The following ARHGAP28 variants were observed in gnomAD, a reference collection of about 807,000 sequenced individuals.
ARHGAP28 encodes Rho GTPase activating protein 28, also known as rho GTPase-activating protein 28.
Under a neutral mutation model 90.7 loss-of-function variants are expected in ARHGAP28, and 56 were observed. That is an observed-to-expected ratio of 0.62 (90% CI 0.50 to 0.77). The LOEUF (loss-of-function observed/expected upper bound fraction) is 0.77. Among genes scored for constraint, ARHGAP28 ranks in the 30% least tolerant of loss-of-function variants. The pLI is 0.00. For synonymous variants in ARHGAP28, 308 were observed against 323.3 expected, an observed-to-expected ratio of 0.95 and a Z score of 0.51; for missense variants, 869 against 900.9, an observed-to-expected ratio of 0.96 and a Z score of 0.45.
chr18:6,834,095 T>C (rs1018658955), intron 2 of ARHGAP28, among the ~76,000 whole-genome samples: 1 of 152,006 alleles, frequency 6.6e-6, no homozygotes, highest in African/African-American at 2.4e-5. Context: ...TGAACTCCCT[T>C]TAGAGCAGGA....
At chr18:6,813,173 T>G (rs778716050) in intron 1 of ARHGAP28, among the ~76,000 whole-genome samples, 60 of 152,206 alleles carry the variant, frequency 3.9e-4, no homozygotes, top group Non-Finnish European at 7.1e-4. Flanking sequence ...AGTCTTAGCT[T>G]CTTCTTTCTT....
intron 1 of ARHGAP28, among the ~76,000 whole-genome samples, chr18:6,801,882 A>G (rs772946046): frequency 1.3e-5 from 2 of 152,158 alleles, no homozygotes; most frequent in Non-Finnish European, 2.9e-5. Flanking sequence ...ATCTAACTGT[A>G]AATTTGTACC....
chr18:6,854,553 T>A (rs2056937010), intron 4 of ARHGAP28, among the ~76,000 whole-genome samples: 1 of 152,212 alleles, frequency 6.6e-6, no homozygotes, highest in African/African-American at 2.4e-5. Flanking sequence ...ATGCTTTGCT[T>A]CAATTGAATA....
intron 3 of ARHGAP28, among the ~76,000 whole-genome samples, chr18:6,841,430 T>C (rs2056826669): frequency 6.6e-6 from 1 of 151,840 alleles, no homozygotes; most frequent in Non-Finnish European, 1.5e-5. Context: ...TTTGACCCAA[T>C]ATACTTATCT....
At chr18:6,767,379 T>C (rs2143379874) in intron 1 of ARHGAP28, among the ~76,000 whole-genome samples, 1 of 152,326 alleles carries the variant, frequency 6.6e-6, no homozygotes, top group South Asian at 2.1e-4. Context: ...ATAGTTTCTT[T>C]TATATGTAGC....
chr18:6,811,988 G>T (rs1409340962), intron 1 of ARHGAP28, among the ~76,000 whole-genome samples: 2 of 152,168 alleles, frequency 1.3e-5, no homozygotes, highest in South Asian at 4.1e-4. Context: ...GGGAAACTGT[G>T]AGTCACTGAG....
intron 4 of ARHGAP28, among the ~76,000 whole-genome samples, chr18:6,855,858 G>A (rs893040463): frequency 2.0e-5 from 3 of 152,228 alleles, no homozygotes; most frequent in Admixed American, 6.5e-5. Context: ...CAGAGCCAGT[G>A]CCTGTACTGG....
At position 6,866,141 on chromosome 18, in the gene ARHGAP28, G is replaced by A. The variant is rs1286827235; in HGVS notation, c.727-2009G>A. On this transcript the variant is annotated intron_variant, in intron 5 of 17. Transcript: ENST00000383472. ...CAGGTAACGTTTATTGGCTGCCACTGTTCCTTCATCTCCACCATGAATCAT... is the reference window on the plus strand; with the variant it reads ...CAGGTAACGTTTATTGGCTGCCACTATTCCTTCATCTCCACCATGAATCAT... Among the ~76,000 whole-genome samples the A allele has an allele frequency of 6.6e-5, 10 of 152,274 alleles. No individual in the cohort carries two copies. The East Asian group carries it at 1.7e-3, about 26-fold the overall frequency.
intron 1 of ARHGAP28, among the ~76,000 whole-genome samples, chr18:6,737,463 T>G (rs1273110235): frequency 1.3e-5 from 2 of 152,328 alleles, no homozygotes; most frequent in Middle Eastern, 3.4e-3. Context: ...ATTTCTAATA[T>G]TGTTACTTTT....
chr18:6,786,332 G>GA (rs894367424), intron 1 of ARHGAP28, among the ~76,000 whole-genome samples: 3 of 151,802 alleles, frequency 2.0e-5, no homozygotes, highest in Non-Finnish European at 4.4e-5. Context: ...TATACTTAAA[G>GA]AAAAAATTAA....
At chr18:6,841,208 C>A (rs1339463169) in intron 3 of ARHGAP28, among the ~76,000 whole-genome samples, 1 of 43,136 alleles carries the variant, frequency 2.3e-5, no homozygotes, top group African/African-American at 9.2e-5. Context: ...TCTCTCCTCT[C>A]CTCTCTCTCT....
rs576321402 is a variant in ARHGAP28, at chr18:6,751,288, G to A, written c.122+21345G>A. Among the ~76,000 whole-genome samples the A allele has an allele frequency of 3.3e-5, 5 of 151,704 alleles. No individual in the cohort carries two copies. In the South Asian group the frequency reaches 1.0e-3, roughly 32 times the overall value. On this transcript the variant is annotated intron_variant, in intron 1 of 17. Coordinates refer to ENST00000383472, the MANE Select transcript of ARHGAP28 (RefSeq NM_001366230.1). Reference sequence around the variant, plus strand: ...ATCTACGTCAGGTTCCACATAGCCAGCTCCTAATATTTTCCCTTTGTCAGA... The same window carrying A: ...ATCTACGTCAGGTTCCACATAGCCAACTCCTAATATTTTCCCTTTGTCAGA...
At chr18:6,772,161 T>G (rs2056248059) in intron 1 of ARHGAP28, among the ~76,000 whole-genome samples, 1 of 152,210 alleles carries the variant, frequency 6.6e-6, no homozygotes, top group African/African-American at 2.4e-5. Context: ...TTAGGTATAC[T>G]CTAAACTAAG....
chr18:6,879,518 C>T (rs1162159675), intron 10 of ARHGAP28, among the ~76,000 whole-genome samples: 2 of 152,150 alleles, frequency 1.3e-5, no homozygotes, highest in African/African-American at 2.4e-5. Context: ...AACTCATACC[C>T]GGCTGACATG....
rs149431711 is a variant in ARHGAP28, at chr18:6,882,144, G to A, written c.1298G>A (p.Arg433His). 3.3e-4 allele frequency: 526 copies of A among 1,612,690 alleles called. 1 individual carries two copies. Among genetic ancestry groups the A allele is most frequent in the Non-Finnish European group, 4.2e-4 (493 of 1,179,314 alleles). The change falls in exon 11 of 18, where the codon CGT (arginine) becomes CAT (histidine). Residue 433 changes from arginine (R) to histidine (H), a missense_variant. Transcript: ENST00000383472. ...SGCTAKVKQY[R>H]EELDAKFNAD... Reference sequence around the variant, plus strand: ...GTTTTCCTTGATTTACAGCAATACCGTGAAGAACTTGATGCCAAGTTTAAT... The same window carrying A: ...GTTTTCCTTGATTTACAGCAATACCATGAAGAACTTGATGCCAAGTTTAAT...
chr18:6,803,043 GTTTA>G (rs2056493685), intron 1 of ARHGAP28, among the ~76,000 whole-genome samples: 1 of 151,980 alleles, frequency 6.6e-6, no homozygotes, highest in South Asian at 2.1e-4. Flanking sequence ...CATATAGCTA[GTTTA>G]TTTATTTCTT....
rs1027770189 is a variant in ARHGAP28 at position 6,909,138 on chromosome 18, CAGT to C, written c.2095+117_2095+119del. 9 of 643,752 alleles carry C rather than the reference CAGT, an allele frequency of 1.4e-5. No homozygotes were observed. In the African/African-American group the frequency reaches 1.7e-4, roughly 12 times the overall value. 39.9% of individuals were successfully genotyped at this position (643,752 alleles called of 1,614,324 possible). Reference sequence around the variant, plus strand: ...AATTTCTCAGATAAAAACTAAAAATCAGTAGGTTTCTGATATTTTTATCTCATG... The same window carrying C: ...AATTTCTCAGATAAAAACTAAAAATCAGGTTTCTGATATTTTTATCTCATG... On this transcript the variant is annotated intron_variant, in intron 17 of 17. Coordinates refer to ENST00000383472, the MANE Select transcript of ARHGAP28 (RefSeq NM_001366230.1).
At chr18:6,821,038 A>G (rs1329426739) in intron 1 of ARHGAP28, among the ~76,000 whole-genome samples, 1 of 152,248 alleles carries the variant, frequency 6.6e-6, no homozygotes, top group East Asian at 1.9e-4. Flanking sequence ...TTTTAAAGCA[A>G]CAACAATAAT....
At chr18:6,867,159 TATA>T (rs1189082930) in intron 5 of ARHGAP28, among the ~76,000 whole-genome samples, 1 of 152,172 alleles carries the variant, frequency 6.6e-6, no homozygotes, top group African/African-American at 2.4e-5. Context: ...TTTACACAAT[TATA>T]ATTGTATCAA....
Sources: allele counts gnomAD v4.1 joint callset (sites outside exome capture counted in the v4.1 genomes callset), GRCh38; gene constraint gnomAD v4.1.1; transcripts MANE v1.5; gene names NCBI Gene and HGNC (gene_info 2026-07-23, HGNC 2026-07-21).